The following ZXDC variants were observed in gnomAD, a reference collection of about 807,000 sequenced individuals.
ZXDC encodes the protein ZXD family zinc finger C.
Under a neutral mutation model 63.6 loss-of-function variants are expected in ZXDC, and 58 were observed. The ratio of observed to expected loss-of-function variants is 0.91; its 90% CI spans 0.74 to 1.13. The LOEUF is 1.13. ZXDC is among the 50% of genes most tolerant of loss of function. The pLI, the probability that ZXDC is intolerant of heterozygous loss-of-function variation, is 0.00. For missense variants in ZXDC, 1,133 were observed against 1,148.9 expected (o/e 0.99, Z 0.20); for synonymous variants, 561 against 496.1 (o/e 1.13, Z -1.74).
chr3:126,441,244 C>G, intron 8 of ZXDC: 1 of 985,946 alleles, frequency 1.0e-6, no homozygotes, highest in Non-Finnish European at 1.2e-6. Context: ...TGGGCCTGCC[C>G]TGGAGGGGCT....
chr3:126,444,398 G>A (rs926108523), intron 7 of ZXDC, among the ~76,000 whole-genome samples: 3 of 152,030 alleles, frequency 2.0e-5, no homozygotes, highest in African/African-American at 4.8e-5. Context: ...CAGTGGTGGT[G>A]GCGGGTGCCT....
rs1935012555 is a variant in ZXDC, at chr3:126,472,322, C to T, written c.908-17G>A. ...TCTCACAGCCTGAACAAGGAAAACACAAACCCTGCTCAAAGCGTGGCAAAA... is the reference window on the plus strand; with the variant it reads ...TCTCACAGCCTGAACAAGGAAAACATAAACCCTGCTCAAAGCGTGGCAAAA... On this transcript the variant is annotated splice_polypyrimidine_tract_variant and intron_variant, in intron 1 of 9. Coordinates refer to ENST00000389709, the MANE Select transcript of ZXDC (RefSeq NM_025112.5). 4 of 1,598,784 alleles carry T rather than the reference C, an allele frequency of 2.5e-6. No individual in the cohort carries two copies. Among genetic ancestry groups the T allele is most frequent in the Non-Finnish European group, 3.4e-6 (4 of 1,167,094 alleles).
In ZXDC at chr3:126,475,620, C is replaced by T; in HGVS notation, c.246G>A (p.Pro82=). The T allele has an allele frequency of 1.4e-6, 2 of 1,473,338 alleles. No individual in the cohort carries two copies. The highest frequency in any genetic ancestry group is 9.0e-7 in the Non-Finnish European group (1 of 1,110,702). 91.3% of individuals were successfully genotyped at this position (1,473,338 alleles called of 1,614,324 possible). A position where few individuals can be genotyped will look rare whatever the true frequency, so the allele number is the denominator to read the frequency against. The change falls in exon 1 of 10, where the codon CCG becomes CCA. Residue 82 remains proline, a synonymous_variant. Transcript: ENST00000389709. ...CAGCCTCGGCGGCAGCGCCGCCGTG[C>T]GGCACTTCCAGCAGCACCAAGAAAG... The part of the protein sequence containing the change: ...GDSFLVLLEV[P]HGGAAAEAAG...
Position 126,459,840 on chromosome 3 carries a change from G to A in ZXDC, c.2128-103C>T, listed in dbSNP as rs1412101739. 1.9e-6 allele frequency: 3 copies of A among 1,592,348 alleles called. No homozygotes were observed. In the African/African-American group the frequency reaches 4.0e-5, roughly 21 times the overall value. On this transcript the variant is annotated intron_variant, in intron 6 of 9. Transcript: ENST00000389709. ...AAGCCTGCTTCTGGGACATATCCGAGCTCCCAAAACCAGAGTCACCAGCAA... is the reference window on the plus strand; with the variant it reads ...AAGCCTGCTTCTGGGACATATCCGAACTCCCAAAACCAGAGTCACCAGCAA...
At chr3:126,444,327 T>C (rs1933795287) in intron 7 of ZXDC, among the ~76,000 whole-genome samples, 1 of 152,164 alleles carries the variant, frequency 6.6e-6, no homozygotes, top group South Asian at 2.1e-4. Flanking sequence ...GGTCAGGAGA[T>C]CGAGACCATC....
intron 7 of ZXDC, chr3:126,451,254 C>T: frequency 1.0e-6 from 1 of 985,408 alleles, no homozygotes; most frequent in East Asian, 1.1e-4. Context: ...CATATGTGTA[C>T]TACTGCTTGT....
At chr3:126,444,048 A>C (rs1002406480) in intron 7 of ZXDC, among the ~76,000 whole-genome samples, 10 of 152,192 alleles carry the variant, frequency 6.6e-5, no homozygotes, top group Admixed American at 5.9e-4. Flanking sequence ...TTTTAAAATA[A>C]GATGCTCATG....
chr3:126,467,336 C>T (rs1934812459), intron 4 of ZXDC, among the ~76,000 whole-genome samples: 1 of 152,098 alleles, frequency 6.6e-6, no homozygotes, highest in African/African-American at 2.4e-5. Context: ...TTATCTTTTG[C>T]GGGTCTCCTT....
intron 8 of ZXDC, chr3:126,440,794 C>A: frequency 1.0e-6 from 1 of 986,838 alleles, no homozygotes; most frequent in Non-Finnish European, 1.2e-6. Flanking sequence ...CAGCCTCTTC[C>A]CTGCCCCCTT....
chr3:126,445,488 C>A (rs1006425950), intron 7 of ZXDC, among the ~76,000 whole-genome samples: 2 of 151,920 alleles, frequency 1.3e-5, no homozygotes, highest in African/African-American at 2.4e-5. Flanking sequence ...TTTGGAACTG[C>A]CCCTGGGTTT....
At chr3:126,471,675 G>T (rs1210160304) in intron 3 of ZXDC, among the ~76,000 whole-genome samples, 2 of 151,212 alleles carry the variant, frequency 1.3e-5, no homozygotes, top group East Asian at 3.9e-4. Context: ...ATTACATGAA[G>T]AAAGCTTATT....
intron 7 of ZXDC, chr3:126,442,661 C>T (rs534462316): frequency 3.3e-5 from 5 of 152,212 alleles, no homozygotes; most frequent in African/African-American, 4.8e-5. Flanking sequence ...GTCCCAACCT[C>T]GGAAGGTTTT....
At position 126,475,632 on chromosome 3, in the gene ZXDC, C is replaced by T. The variant is rs748827694; in HGVS notation, c.234G>A (p.Leu78=). The part of the protein sequence containing the change: ...DDSDGDSFLV[L]LEVPHGGAAA... Reference sequence around the variant, plus strand: ...CAGCGCCGCCGTGCGGCACTTCCAGCAGCACCAAGAAAGAGTCGCCGTCGC... The same window carrying T: ...CAGCGCCGCCGTGCGGCACTTCCAGTAGCACCAAGAAAGAGTCGCCGTCGC... The change falls in exon 1 of 10, where the codon CTG becomes CTA. Residue 78 remains leucine (L), a synonymous_variant. Coordinates refer to ENST00000389709, the MANE Select transcript of ZXDC (RefSeq NM_025112.5). 1.4e-6 allele frequency: 2 copies of T among 1,474,560 alleles called. No homozygotes were observed. Among genetic ancestry groups the T allele is most frequent in the Non-Finnish European group, 1.8e-6 (2 of 1,111,644 alleles). 91.3% of individuals were successfully genotyped at this position (1,474,560 alleles called of 1,614,324 possible).
At chr3:126,462,450 C>T (rs888343418) in intron 5 of ZXDC, among the ~76,000 whole-genome samples, 2 of 152,100 alleles carry the variant, frequency 1.3e-5, no homozygotes, top group African/African-American at 4.8e-5. Context: ...AGACACTTTA[C>T]GTACGCGTCT....
intron 4 of ZXDC, among the ~76,000 whole-genome samples, chr3:126,468,278 A>G (rs935350291): frequency 6.6e-6 from 1 of 152,078 alleles, no homozygotes; most frequent in Non-Finnish European, 1.5e-5. Context: ...CCTCAGACAT[A>G]CTTCTGGTCT....
intron 8 of ZXDC, chr3:126,440,071 A>C: frequency 2.7e-6 from 3 of 1,104,878 alleles, no homozygotes; most frequent in Non-Finnish European, 3.3e-6. Context: ...TACCCCCACC[A>C]ACCTTGTGTA....
At chr3:126,460,545 G>A (rs1934485459) in intron 6 of ZXDC, 1 of 985,352 alleles carries the variant, frequency 1.0e-6, no homozygotes, top group Non-Finnish European at 1.2e-6. Context: ...AAGGCACCGA[G>A]GCACACAGTC....
rs1427343767 is a variant in ZXDC, at chr3:126,438,437, G to T, written c.2515C>A (p.Pro839Thr). The T allele has an allele frequency of 1.9e-6, 3 of 1,613,882 alleles. No homozygotes were observed. The East Asian group carries it at 6.7e-5, about 36-fold the overall frequency. The change falls in exon 10 of 10, where the codon CCT becomes ACT. Residue 839 changes from proline to threonine, a missense_variant. Coordinates refer to ENST00000389709, the MANE Select transcript of ZXDC (RefSeq NM_025112.5). ...LQEVLPSSGG[P>T]AGPEATQFPG... ...AACTGGGTGGCCTCCGGTCCAGCAG[G>T]GCCTCCAGATGAGGGGAGCACCTCC...
intron 7 of ZXDC, among the ~76,000 whole-genome samples, chr3:126,458,369 T>C (rs1294079338): frequency 6.6e-6 from 1 of 151,814 alleles, no homozygotes; most frequent in Non-Finnish European, 1.5e-5. Context: ...CCCAAGTAGC[T>C]AGGATTACAG....
Sources: gnomAD v4.1 joint callset for allele counts (sites outside exome capture counted in the v4.1 genomes callset) on GRCh38, gnomAD v4.1.1 for gene constraint, MANE v1.5 for transcripts, NCBI Gene and HGNC (gene_info 2026-07-23, HGNC 2026-07-21) for gene names.